The following VPS13B variants were observed in gnomAD, a reference collection of about 807,000 sequenced individuals.
VPS13B encodes intermembrane lipid transfer protein VPS13B.
A neutral mutation model predicts 426.4 loss-of-function variants in VPS13B; 285 were observed. That is an observed-to-expected ratio of 0.67 (90% CI 0.61 to 0.74). The LOEUF is 0.74. VPS13B is among the 30% of genes least tolerant of loss of function. The pLI is 0.00. For missense variants in VPS13B, 4,537 were observed against 4,782.6 expected (o/e 0.95, Z 1.51); for synonymous variants, 1,676 against 1,676.4 (o/e 1.00, Z 0.01).
rs1817708779 is a variant in VPS13B at position 99,876,508 on chromosome 8, T to C, written c.*842T>C. On this transcript the variant is annotated 3_prime_UTR_variant, in exon 62 of 62. Transcript: ENST00000357162. ...GTTCAGGTGAGTTTCTCTAGTTCCA[T>C]AAACAAAACATACATAGTGGGAACT... 1 of 152,216 alleles carries C rather than the reference T, an allele frequency of 6.6e-6. No homozygotes were observed. Among genetic ancestry groups the C allele is most frequent in the African/African-American group, 2.4e-5 (1 of 41,442 alleles). 9.4% of individuals were successfully genotyped at this position (152,216 alleles called of 1,614,324 possible).
intron 29 of VPS13B, among the ~76,000 whole-genome samples, chr8:99,513,445 A>G (rs1283519268): frequency 2.6e-5 from 4 of 152,166 alleles, no homozygotes; most frequent in African/African-American, 7.2e-5. Context: ...TCTCTATGAA[A>G]AAAGCTGAGG....
intron 8 of VPS13B, among the ~76,000 whole-genome samples, chr8:99,128,255 C>T (rs1361529110): frequency 6.6e-6 from 1 of 151,452 alleles, no homozygotes; most frequent in Non-Finnish European, 1.5e-5. Flanking sequence ...GGTGTGGTGG[C>T]AGGCGCCTGT....
chr8:99,717,102 A>G lies in VPS13B; in HGVS notation c.6455-69A>G, dbSNP rs899419334. On this transcript the variant is annotated intron_variant, in intron 36 of 61. Coordinates refer to ENST00000357162, the MANE Select transcript of VPS13B (RefSeq NM_152564.5). The stretch of plus-strand genomic sequence containing the variant: ...ATGAATTAATACTCTTCAAAAATAT[A>G]GATAGTTCTTTCCCAAACATTTTTT... 12 of 1,420,626 alleles carry G rather than the reference A, an allele frequency of 8.4e-6. No individual in the cohort carries two copies. The African/African-American group carries it at 1.6e-4, about 19-fold the overall frequency. 88.0% of individuals were successfully genotyped at this position (1,420,626 alleles called of 1,614,324 possible). A position where few individuals can be genotyped will look rare whatever the true frequency, so the allele number is the denominator to read the frequency against.
intron 35 of VPS13B, among the ~76,000 whole-genome samples, chr8:99,684,584 T>C (rs767037837): frequency 3.3e-5 from 5 of 152,174 alleles, no homozygotes; most frequent in Non-Finnish European, 7.3e-5. Context: ...GTATTTTGAA[T>C]TCTAGTCTTC....
intron 23 of VPS13B, among the ~76,000 whole-genome samples, chr8:99,449,286 A>G (rs554337093): frequency 1.3e-5 from 2 of 152,214 alleles, no homozygotes; most frequent in African/African-American, 4.8e-5. Flanking sequence ...CATTATTTAC[A>G]TAGTTAATAT....
intron 19 of VPS13B, among the ~76,000 whole-genome samples, chr8:99,333,322 AC>A (rs934535790): frequency 3.3e-5 from 5 of 151,796 alleles, no homozygotes; most frequent in Non-Finnish European, 5.9e-5. Flanking sequence ...TTTTAATGAA[AC>A]ATTTTCTTTT....
At chr8:99,705,309 CA>C (rs1832456418) in intron 36 of VPS13B, among the ~76,000 whole-genome samples, 2 of 151,828 alleles carry the variant, frequency 1.3e-5, no homozygotes, top group African/African-American at 4.8e-5. Flanking sequence ...TAACTTTTTT[CA>C]AAAAATGTCC....
intron 31 of VPS13B, among the ~76,000 whole-genome samples, chr8:99,575,331 T>A (rs1211671448): frequency 6.6e-6 from 1 of 152,094 alleles, no homozygotes; most frequent in Non-Finnish European, 1.5e-5. Context: ...AATAGTAAGA[T>A]TATTGGTGGT....
Position 99,820,120 on chromosome 8 carries a change from C to G in VPS13B, c.8992C>G (p.Gln2998Glu), listed in dbSNP as rs966908408. ...AGKIIIPPNF[Q>E]EAFQIGIYWA... ...CAAAATTATTATTCCTCCTAATTTT[C>G]AGGTACTATAACTTTTTTAACTAAT... Residue 2998 changes from glutamine to glutamate, a missense_variant and splice_region_variant, in exon 49 of 62, where the codon CAG (glutamine) becomes GAG (glutamate). Physicochemically the swap from Gln to Glu is conservative, Grantham distance 29 (BLOSUM62 2). Transcript: ENST00000357162. 1 of 1,613,352 alleles carries G rather than the reference C, an allele frequency of 6.2e-7. No homozygotes were observed. Among genetic ancestry groups the G allele is most frequent in the African/African-American group, 1.3e-5 (1 of 74,900 alleles).
intron 19 of VPS13B, among the ~76,000 whole-genome samples, chr8:99,339,805 C>T (rs1247280858): frequency 6.6e-6 from 1 of 152,020 alleles, no homozygotes; most frequent in Admixed American, 6.6e-5. Flanking sequence ...TGCATTTTTT[C>T]CCCCAATTCT....
chr8:99,568,978 AT>A (rs978972367), intron 31 of VPS13B, among the ~76,000 whole-genome samples: 2 of 151,330 alleles, frequency 1.3e-5, no homozygotes, highest in Non-Finnish European at 2.9e-5. Flanking sequence ...CGCCCGGCTA[AT>A]TTTTTTTGTT....
chr8:99,536,997 C>T, intron 30 of VPS13B: 1 of 338,938 alleles, frequency 3.0e-6, no homozygotes, highest in South Asian at 2.4e-5. Context: ...TCTTGTCCTT[C>T]TGGTAAACCA....
At chr8:99,308,449 G>A (rs558907077) in intron 19 of VPS13B, among the ~76,000 whole-genome samples, 1 of 152,008 alleles carries the variant, frequency 6.6e-6, no homozygotes, top group Non-Finnish European at 1.5e-5. Flanking sequence ...TTGTCCTTGC[G>A]ATAGTTTGCT....
intron 19 of VPS13B, among the ~76,000 whole-genome samples, chr8:99,322,053 T>A (rs1563667498): frequency 1.3e-5 from 2 of 152,206 alleles, no homozygotes; most frequent in Admixed American, 6.5e-5. Flanking sequence ...ATTAGACCCT[T>A]ATTTGCTCAC....
At chr8:99,824,595 T>C (rs1169353845) in intron 51 of VPS13B, among the ~76,000 whole-genome samples, 2 of 143,722 alleles carry the variant, frequency 1.4e-5, no homozygotes, top group Non-Finnish European at 3.1e-5. Context: ...ATGTTTTCCC[T>C]TTTTTTTTTT....
intron 3 of VPS13B, among the ~76,000 whole-genome samples, chr8:99,084,581 G>C (rs571963235): frequency 6.6e-6 from 1 of 152,104 alleles, no homozygotes; most frequent in African/African-American, 2.4e-5. Context: ...GCTTTCTCTT[G>C]TGGGCATTTA....
chr8:99,129,085 T>A (rs1809606437), intron 8 of VPS13B, among the ~76,000 whole-genome samples: 1 of 152,120 alleles, frequency 6.6e-6, no homozygotes, highest in Admixed American at 6.5e-5. Context: ...TCAACTAAAG[T>A]TTGTGTCATA....
At chr8:99,033,532 T>A (rs1198864329) in intron 2 of VPS13B, among the ~76,000 whole-genome samples, 1 of 152,226 alleles carries the variant, frequency 6.6e-6, no homozygotes. Context: ...TTTCATTTTT[T>A]TTGTAATTTG....
At chr8:99,038,380 A>G (rs1381583284) in intron 2 of VPS13B, 43 bp from the exon 3 acceptor site, 2 of 1,488,864 alleles carry the variant, frequency 1.3e-6, no homozygotes, top group Non-Finnish European at 1.8e-6. Flanking sequence ...AATAAAAAAT[A>G]TTAAGCACTT....
Sources: gnomAD v4.1 joint callset for allele counts (sites outside exome capture counted in the v4.1 genomes callset) on GRCh38, gnomAD v4.1.1 for gene constraint, MANE v1.5 for transcripts, NCBI Gene and HGNC (gene_info 2026-07-23, HGNC 2026-07-21) for gene names.